The following SORCS3 variants were observed in gnomAD, a reference collection of about 807,000 sequenced individuals.
SORCS3 encodes the protein VPS10 domain-containing receptor SorCS3.
In SORCS3, 57 loss-of-function variants were observed where a neutral mutation model predicts 146.3. The ratio of observed to expected loss-of-function variants is 0.39; its 90% confidence interval spans 0.31 to 0.49. The LOEUF (loss-of-function observed/expected upper bound fraction) is 0.49, where lower values mean the gene tolerates loss of function less well. Ranked by LOEUF, SORCS3 falls within the 20% of genes least tolerant of loss-of-function variation. The pLI, the probability that SORCS3 is intolerant of heterozygous loss-of-function variation, is 0.92. For missense variants in SORCS3, 1,341 were observed against 1,575.5 expected, an observed-to-expected ratio of 0.85 and a Z score of 2.52; for synonymous variants, 653 against 618.5, an observed-to-expected ratio of 1.06 and a Z score of -0.83.
At chr10:105,100,579 A>G (rs791105) in intron 6 of SORCS3, among the ~76,000 whole-genome samples, 40,574 of 152,028 alleles carry the variant, frequency 0.27, 5,628 homozygotes, top group Middle Eastern at 0.34. Context: ...CTCAAGGGCT[A>G]CCTCCTCTTT....
chr10:105,044,868 T>A (rs2133705733), intron 5 of SORCS3, among the ~76,000 whole-genome samples: 1 of 152,062 alleles, frequency 6.6e-6, no homozygotes, highest in East Asian at 1.9e-4. Flanking sequence ...ACTATTATTT[T>A]GCCTGTATTT....
At chr10:105,201,763 C>G (rs1481534809) in intron 16 of SORCS3, among the ~76,000 whole-genome samples, 2 of 152,156 alleles carry the variant, frequency 1.3e-5, no homozygotes, top group South Asian at 2.1e-4. Flanking sequence ...TACCTCTGGC[C>G]CTGGCCTCCC....
chr10:104,722,710 G>A (rs2016565478), intron 1 of SORCS3, among the ~76,000 whole-genome samples: 1 of 152,046 alleles, frequency 6.6e-6, no homozygotes, highest in Admixed American at 6.6e-5. Flanking sequence ...GTCTTGGGAG[G>A]GTGTATGTGT....
At chr10:104,936,593 G>T (rs2019263096) in intron 3 of SORCS3, among the ~76,000 whole-genome samples, 1 of 152,134 alleles carries the variant, frequency 6.6e-6, no homozygotes, top group Admixed American at 6.6e-5. Flanking sequence ...GGGACATCCA[G>T]GGGAAAAGGC....
At chr10:104,845,587 G>A (rs1375788791) in intron 2 of SORCS3, among the ~76,000 whole-genome samples, 1 of 152,112 alleles carries the variant, frequency 6.6e-6, no homozygotes, top group Non-Finnish European at 1.5e-5. Flanking sequence ...TTGCTGCAGA[G>A]GTGCATGTGA....
chr10:105,185,800 C>T (rs1445966539), intron 14 of SORCS3, among the ~76,000 whole-genome samples: 2 of 152,116 alleles, frequency 1.3e-5, no homozygotes, highest in Non-Finnish European at 2.9e-5. Context: ...TCCACAACCC[C>T]TTCTAGAACA....
intron 5 of SORCS3, among the ~76,000 whole-genome samples, chr10:105,062,694 G>T (rs2055495881): frequency 6.6e-6 from 1 of 152,164 alleles, no homozygotes; most frequent in South Asian, 2.1e-4. Flanking sequence ...GCAAGGGCTA[G>T]CCCCATTATA....
chr10:105,071,600 G>A (rs1458169582), intron 5 of SORCS3, among the ~76,000 whole-genome samples: 2 of 152,196 alleles, frequency 1.3e-5, no homozygotes, highest in East Asian at 3.8e-4. Flanking sequence ...ATACAGGCAT[G>A]CGATGTGAAA....
chr10:105,060,667 G>A (rs370732113), intron 5 of SORCS3, among the ~76,000 whole-genome samples: 21 of 152,246 alleles, frequency 1.4e-4, no homozygotes, highest in African/African-American at 2.2e-4. Context: ...GTCTGGGCGC[G>A]GTGGCTCAAA....
At chr10:104,952,255 GAAAAAA>G (rs55880149) in intron 3 of SORCS3, among the ~76,000 whole-genome samples, 2,361 of 40,482 alleles carry the variant, frequency 0.058, 20 homozygotes, top group African/African-American at 0.084. Flanking sequence ...ATGAATGTTT[GAAAAAA>G]AAAAAAAAAA....
At chr10:105,169,100 A>G (rs747360644) in intron 13 of SORCS3, among the ~76,000 whole-genome samples, 19 of 152,154 alleles carry the variant, frequency 1.2e-4, no homozygotes, top group Admixed American at 2.6e-4. Context: ...CAACCTATGT[A>G]TGTAGGTACC....
chr10:105,210,220 A>C lies in SORCS3; in HGVS notation c.2262-917A>C, dbSNP rs568605963. Reference sequence around the variant, plus strand: ...AGAAAGGAGTTGTGGGTTCTGAGAAAGCAACTTCTTTTCTGCTGCTTCATG... The same window carrying C: ...AGAAAGGAGTTGTGGGTTCTGAGAACGCAACTTCTTTTCTGCTGCTTCATG... On this transcript the variant is annotated intron_variant, in intron 16 of 26. Coordinates refer to ENST00000369701, the MANE Select transcript of SORCS3 (RefSeq NM_014978.3). Among the ~76,000 whole-genome samples, 46 of 152,278 alleles carry C rather than the reference A, an allele frequency of 3.0e-4. 1 individual carries two copies. The highest frequency in any genetic ancestry group is 5.2e-4 in the Admixed American group (8 of 15,300).
chr10:105,262,214 CT>C, intron 25 of SORCS3, 116 bp from the exon 26 acceptor site: 1 of 925,028 alleles, frequency 1.1e-6, no homozygotes, highest in Admixed American at 2.1e-5. Flanking sequence ...ATATCTTTCC[CT>C]GACATGGACC....
chr10:104,687,003 T>C (rs12242521), intron 1 of SORCS3, among the ~76,000 whole-genome samples: 35,539 of 151,964 alleles, frequency 0.23, 4,917 homozygotes, highest in East Asian at 0.61. Flanking sequence ...GTACCCATCC[T>C]TCCATCTATC....
intron 1 of SORCS3, among the ~76,000 whole-genome samples, chr10:104,796,005 C>T (rs1356093623): frequency 6.6e-6 from 1 of 152,204 alleles, no homozygotes; most frequent in Non-Finnish European, 1.5e-5. Context: ...ACCCAGGAAC[C>T]TTCCTGAGCT....
At chr10:104,699,045 T>A (rs1249241126) in intron 1 of SORCS3, among the ~76,000 whole-genome samples, 1 of 152,164 alleles carries the variant, frequency 6.6e-6, no homozygotes, top group Non-Finnish European at 1.5e-5. Flanking sequence ...AGAGAAGGGA[T>A]CCATCGTCTT....
chr10:104,742,342 T>C (rs1372807199), intron 1 of SORCS3, among the ~76,000 whole-genome samples: 1 of 152,166 alleles, frequency 6.6e-6, no homozygotes, highest in Non-Finnish European at 1.5e-5. Flanking sequence ...GTCATAACCT[T>C]AGTAGTGTGC....
chr10:105,234,573 T>C (rs2056782449), intron 20 of SORCS3, among the ~76,000 whole-genome samples: 1 of 151,910 alleles, frequency 6.6e-6, no homozygotes, highest in Non-Finnish European at 1.5e-5. Flanking sequence ...CTTTTTGTTG[T>C]TTTTGCTTTT....
chr10:104,765,564 G>T (rs1374864503), intron 1 of SORCS3, among the ~76,000 whole-genome samples: 1 of 152,182 alleles, frequency 6.6e-6, no homozygotes, highest in African/African-American at 2.4e-5. Flanking sequence ...CCTTCTTCCA[G>T]CCAGCCCCCT....
Sources: gnomAD v4.1 joint callset for allele counts (sites outside exome capture counted in the v4.1 genomes callset) on GRCh38, gnomAD v4.1.1 for gene constraint, MANE v1.5 for transcripts, NCBI Gene and HGNC (gene_info 2026-07-23, HGNC 2026-07-21) for gene names.